COLGALT2: variants seen among roughly 807,000 people sequenced by gnomAD.
COLGALT2 encodes procollagen galactosyltransferase 2.
In COLGALT2, 49 loss-of-function variants were observed where a neutral mutation model predicts 73.4. The observed-to-expected ratio is 0.67, with a 90% CI of 0.53 to 0.85. The LOEUF (loss-of-function observed/expected upper bound fraction) is 0.85. Among genes scored for constraint, COLGALT2 ranks in the 40% least tolerant of loss-of-function variants. The pLI is 0.00. For synonymous variants in COLGALT2, 295 were observed against 307.6 expected (o/e 0.96, Z 0.43); for missense variants, 722 against 790.2 (o/e 0.91, Z 1.03).
At chr1:183,981,753 T>C (rs1374687205) in intron 1 of COLGALT2, among the ~76,000 whole-genome samples, 1 of 152,130 alleles carries the variant, frequency 6.6e-6, no homozygotes, top group Non-Finnish European at 1.5e-5. Flanking sequence ...ACTAAATATA[T>C]TCAAAAAATT....
chr1:184,026,419 T>C (rs538362303), intron 1 of COLGALT2, among the ~76,000 whole-genome samples: 3 of 152,326 alleles, frequency 2.0e-5, no homozygotes, highest in East Asian at 3.9e-4. Flanking sequence ...TATGGAACCA[T>C]ATAAGACTTA....
chr1:183,989,147 A>C (rs1163567939), intron 1 of COLGALT2, among the ~76,000 whole-genome samples: 1 of 152,188 alleles, frequency 6.6e-6, no homozygotes, highest in Non-Finnish European at 1.5e-5. Context: ...GCAGAGAGGA[A>C]TCCTTTACTC....
At chr1:183,979,850 A>G (rs999955119) in intron 1 of COLGALT2, among the ~76,000 whole-genome samples, 3 of 152,124 alleles carry the variant, frequency 2.0e-5, no homozygotes, top group African/African-American at 7.2e-5. Context: ...CACATGGAAC[A>G]TCTGCTAGCA....
intron 5 of COLGALT2, among the ~76,000 whole-genome samples, chr1:183,965,660 G>T (rs1670847328): frequency 6.6e-6 from 1 of 152,142 alleles, no homozygotes; most frequent in South Asian, 2.1e-4. Context: ...TCGCAAATAT[G>T]CAAAAAAGGA....
At chr1:184,014,036 C>T (rs1377786387) in intron 1 of COLGALT2, among the ~76,000 whole-genome samples, 1 of 152,162 alleles carries the variant, frequency 6.6e-6, no homozygotes, top group Non-Finnish European at 1.5e-5. Context: ...TTAGAGGAAT[C>T]TCTGGACCAT....
intron 2 of COLGALT2, among the ~76,000 whole-genome samples, chr1:183,976,790 C>T (rs1201475018): frequency 6.6e-6 from 1 of 151,742 alleles, no homozygotes; most frequent in East Asian, 1.9e-4. Context: ...TATCATTGTG[C>T]CAAAAAGGAT....
At chr1:183,950,474 TAA>T (rs200217667) in intron 8 of COLGALT2, among the ~76,000 whole-genome samples, 5 of 119,406 alleles carry the variant, frequency 4.2e-5, no homozygotes, top group Middle Eastern at 3.9e-3. Context: ...CTGAACAAAA[TAA>T]AAAAAAAAAA....
chr1:184,023,876 C>CT (rs1162465557), intron 1 of COLGALT2, among the ~76,000 whole-genome samples: 1 of 151,976 alleles, frequency 6.6e-6, no homozygotes, highest in Non-Finnish European at 1.5e-5. Context: ...TCATCACAGC[C>CT]TTTTTTTGCT....
chr1:183,997,238 G>GTATAGTAAGACATTATAAATTGTTA (rs559787976), intron 1 of COLGALT2, among the ~76,000 whole-genome samples: 174 of 152,280 alleles, frequency 1.1e-3, no homozygotes, highest in Admixed American at 3.1e-3. Context: ...ACAGTATTCT[G>GTATAGTAAGACATTATAAATTGTTA]TATAGTAAGA....
chr1:183,990,936 T>C (rs7410829), intron 1 of COLGALT2, among the ~76,000 whole-genome samples: 12,733 of 152,304 alleles, frequency 0.084, 903 homozygotes, highest in East Asian at 0.41. Context: ...TCTCTGAAAT[T>C]ATGTGTTTTT....
At chr1:183,986,202 A>T (rs1254302872) in intron 1 of COLGALT2, among the ~76,000 whole-genome samples, 5 of 152,114 alleles carry the variant, frequency 3.3e-5, no homozygotes, top group Admixed American at 2.0e-4. Context: ...TGGAAACTAG[A>T]TATGGATATG....
chr1:183,969,242 G>A (rs760814098), intron 5 of COLGALT2, 27 bp downstream of exon 5: 5 of 1,569,888 alleles, frequency 3.2e-6, no homozygotes, highest in Non-Finnish European at 4.3e-6. Context: ...TCTCCATTGT[G>A]GCACTACAAC....
chr1:183,987,132 A>C (rs988960054), intron 1 of COLGALT2, among the ~76,000 whole-genome samples: 9 of 152,228 alleles, frequency 5.9e-5, no homozygotes, highest in African/African-American at 2.2e-4. Context: ...TTTTCCTTGG[A>C]GTCACAACCC....
At chr1:183,947,597 C>T (rs891668664) in intron 8 of COLGALT2, among the ~76,000 whole-genome samples, 6 of 152,116 alleles carry the variant, frequency 3.9e-5, no homozygotes, top group Non-Finnish European at 8.8e-5. Context: ...ATACACTTAA[C>T]ATAGTACTTG....
rs536384276 is a variant in COLGALT2 at position 184,035,773 on chromosome 1, G to A, written c.263+1322C>T. ...TGTGAATTTCTTTTGGTACCGAAGT[G>A]GTTAAAAAAAAATCCTTCCTTCTGG... On this transcript the variant is annotated intron_variant, in intron 1 of 11. Transcript: ENST00000361927. Among the ~76,000 whole-genome samples, 17 of 150,846 alleles carry A rather than the reference G, an allele frequency of 1.1e-4. No homozygotes were observed. The South Asian group carries it at 3.5e-3, about 31-fold the overall frequency.
At chr1:183,952,038 T>G (rs754610347) in intron 7 of COLGALT2, among the ~76,000 whole-genome samples, 1 of 152,108 alleles carries the variant, frequency 6.6e-6, no homozygotes, top group Non-Finnish European at 1.5e-5. Context: ...CAGAAATAAG[T>G]GCACACATTT....
intron 4 of COLGALT2, among the ~76,000 whole-genome samples, chr1:183,971,901 C>T (rs1293804221): frequency 6.6e-6 from 1 of 152,194 alleles, no homozygotes; most frequent in East Asian, 1.9e-4. Flanking sequence ...CTTAACCTTT[C>T]CCTTAGCTTA....
In COLGALT2 at chr1:183,936,465, C is replaced by T. The variant is rs1669957844; in HGVS notation, c.*2296G>A. 2.0e-6 allele frequency: 2 copies of T among 991,144 alleles called. No homozygotes were observed. Among genetic ancestry groups the T allele is most frequent in the African/African-American group, 1.7e-5 (1 of 57,432 alleles). The allele number at this position is 991,144 out of a possible 1,614,324, so 61.4% of individuals were successfully genotyped here. A position where few individuals can be genotyped will look rare whatever the true frequency, so the allele number is the denominator to read the frequency against. ...TAGTCTAAAATGCTAGAATTTAAGTCCAAAGTCTTTTAAGAATGAGAGTTC... is the reference window on the plus strand; with the variant it reads ...TAGTCTAAAATGCTAGAATTTAAGTTCAAAGTCTTTTAAGAATGAGAGTTC... On this transcript the variant is annotated 3_prime_UTR_variant, in exon 12 of 12. Coordinates refer to ENST00000361927, the MANE Select transcript of COLGALT2 (RefSeq NM_015101.4).
chr1:183,995,755 T>C (rs1432705096), intron 1 of COLGALT2, among the ~76,000 whole-genome samples: 1 of 152,194 alleles, frequency 6.6e-6, no homozygotes, highest in East Asian at 1.9e-4. Flanking sequence ...ATTACCTTAA[T>C]ACATGTAAGT....
Sources: gnomAD v4.1 joint callset for allele counts (sites outside exome capture counted in the v4.1 genomes callset) on GRCh38, gnomAD v4.1.1 for gene constraint, MANE v1.5 for transcripts, NCBI Gene and HGNC (gene_info 2026-07-23, HGNC 2026-07-21) for gene names.